The following NDUFAF2 variants were observed in gnomAD, a reference collection of about 807,000 sequenced individuals.
The protein encoded by NDUFAF2 is NADH:ubiquinone oxidoreductase complex assembly factor 2.
Under a neutral mutation model 22.8 loss-of-function variants are expected in NDUFAF2, and 13 were observed. The ratio of observed to expected loss-of-function variants is 0.57; its 90% CI spans 0.37 to 0.91. The LOEUF (loss-of-function observed/expected upper bound fraction) is 0.91. NDUFAF2 is among the 40% of genes least tolerant of loss of function. The pLI is 0.01. For synonymous variants in NDUFAF2, 53 were observed against 64.2 expected, an observed-to-expected ratio of 0.83 and a Z score of 0.84; for missense variants, 162 against 195.2, an observed-to-expected ratio of 0.83 and a Z score of 1.01.
intron 1 of NDUFAF2, among the ~76,000 whole-genome samples, chr5:60,987,530 C>T (rs530699576): frequency 6.6e-6 from 1 of 152,178 alleles, no homozygotes; most frequent in South Asian, 2.1e-4. Flanking sequence ...TGCAAAAATC[C>T]TCAGCAAAAT....
At chr5:61,115,775 A>G (rs1437819451) in intron 3 of NDUFAF2, 2 of 152,180 alleles carry the variant, frequency 1.3e-5, no homozygotes, top group African/African-American at 4.8e-5. Flanking sequence ...TATTGAGGTA[A>G]CTGGTGAAGT....
intron 3 of NDUFAF2, among the ~76,000 whole-genome samples, chr5:61,132,475 G>A (rs550960384): frequency 1.1e-4 from 16 of 151,442 alleles, no homozygotes; most frequent in Non-Finnish European, 1.8e-4. Flanking sequence ...CTGGAACATC[G>A]CTGAGCCTCT....
At chr5:61,022,329 TCA>T (rs1346986005) in intron 1 of NDUFAF2, among the ~76,000 whole-genome samples, 3 of 152,188 alleles carry the variant, frequency 2.0e-5, no homozygotes, top group African/African-American at 4.8e-5. Flanking sequence ...CTTTCTATGC[TCA>T]GTTTTCCTTC....
intron 2 of NDUFAF2, among the ~76,000 whole-genome samples, chr5:61,082,469 A>G (rs1437745240): frequency 2.6e-5 from 4 of 151,994 alleles, no homozygotes; most frequent in Non-Finnish European, 5.9e-5. Context: ...TGTTTCTTAC[A>G]TGGATATATT....
chr5:61,005,182 G>T (rs1458699910), intron 1 of NDUFAF2, among the ~76,000 whole-genome samples: 1 of 152,102 alleles, frequency 6.6e-6, no homozygotes, highest in African/African-American at 2.4e-5. Context: ...GTAAGAAAAT[G>T]CAGTGATTGG....
At chr5:61,050,177 T>C (rs2111697598) in intron 1 of NDUFAF2, among the ~76,000 whole-genome samples, 1 of 152,278 alleles carries the variant, frequency 6.6e-6, no homozygotes, top group East Asian at 1.9e-4. Context: ...TACATTATTT[T>C]ACATTCCCAC....
chr5:61,034,908 A>ATGTG (rs1481764474), intron 1 of NDUFAF2, among the ~76,000 whole-genome samples: 1 of 67,164 alleles, frequency 1.5e-5, no homozygotes, highest in Non-Finnish European at 3.3e-5. Context: ...GTAGGCAAAT[A>ATGTG]TATATGTGTG....
intron 3 of NDUFAF2, among the ~76,000 whole-genome samples, chr5:61,104,290 GCTT>G (rs1561565996): frequency 1.3e-5 from 2 of 151,918 alleles, no homozygotes; most frequent in Admixed American, 6.6e-5. Flanking sequence ...TTGAAATATT[GCTT>G]CTTTTTTTTA....
intron 1 of NDUFAF2, among the ~76,000 whole-genome samples, chr5:61,019,188 C>T (rs1345078228): frequency 1.3e-5 from 2 of 151,986 alleles, no homozygotes; most frequent in Non-Finnish European, 2.9e-5. Flanking sequence ...TATCTTATCC[C>T]ACAAGAAAAT....
intron 1 of NDUFAF2, among the ~76,000 whole-genome samples, chr5:61,072,836 A>G (rs754944752): frequency 6.6e-6 from 1 of 152,156 alleles, no homozygotes; most frequent in African/African-American, 2.4e-5. Flanking sequence ...TCCTGAGCTC[A>G]GGCGATCCAC....
intron 1 of NDUFAF2, among the ~76,000 whole-genome samples, chr5:60,957,008 A>G (rs1186185097): frequency 1.3e-5 from 2 of 152,148 alleles, no homozygotes; most frequent in African/African-American, 4.8e-5. Flanking sequence ...TTTAAAGTTG[A>G]TAATTTAAAA....
At chr5:60,990,927 T>A (rs1751149987) in intron 1 of NDUFAF2, among the ~76,000 whole-genome samples, 1 of 152,162 alleles carries the variant, frequency 6.6e-6, no homozygotes, top group Non-Finnish European at 1.5e-5. Flanking sequence ...AGCTGAGATT[T>A]GGAGAGTTTG....
intron 1 of NDUFAF2, among the ~76,000 whole-genome samples, chr5:61,013,214 C>A (rs931349174): frequency 6.6e-6 from 1 of 151,912 alleles, no homozygotes; most frequent in African/African-American, 2.4e-5. Flanking sequence ...TAATCAGCCC[C>A]AGGGAACAGC....
chr5:61,100,589 T>A (rs1161319238), intron 3 of NDUFAF2, among the ~76,000 whole-genome samples: 1 of 152,008 alleles, frequency 6.6e-6, no homozygotes, highest in East Asian at 1.9e-4. Context: ...CCCTTTCCAT[T>A]GTGTTTCAGG....
At chr5:61,097,835 G>A (rs188589188) in intron 2 of NDUFAF2, among the ~76,000 whole-genome samples, 13 of 152,300 alleles carry the variant, frequency 8.5e-5, no homozygotes, top group East Asian at 3.9e-4. Context: ...GGTTTTTAGA[G>A]CCAGAGACAG....
intron 1 of NDUFAF2, among the ~76,000 whole-genome samples, chr5:61,001,988 G>T (rs552067411): frequency 6.6e-6 from 1 of 152,094 alleles, no homozygotes; most frequent in African/African-American, 2.4e-5. Flanking sequence ...GAAAGGGTTG[G>T]TAGGAAAACT....
At chr5:61,109,138 A>C (rs1227718832) in intron 3 of NDUFAF2, among the ~76,000 whole-genome samples, 1 of 151,966 alleles carries the variant, frequency 6.6e-6, no homozygotes, top group African/African-American at 2.4e-5. Context: ...TTCTTGCATC[A>C]ATGTTTTATA....
chr5:61,005,953 C>T (rs557572399), intron 1 of NDUFAF2, among the ~76,000 whole-genome samples: 3 of 152,216 alleles, frequency 2.0e-5, no homozygotes, highest in South Asian at 2.1e-4. Context: ...TAACTAGATC[C>T]CATTTGTCAA....
At chr5:61,004,885 T>C (rs957199207) in intron 1 of NDUFAF2, among the ~76,000 whole-genome samples, 4 of 152,092 alleles carry the variant, frequency 2.6e-5, no homozygotes, top group African/African-American at 7.2e-5. Context: ...GGCTATAAAA[T>C]GTACTTTCAC....
Sources: allele counts gnomAD v4.1 joint callset (sites outside exome capture counted in the v4.1 genomes callset), GRCh38; gene constraint gnomAD v4.1.1; transcripts MANE v1.5; gene names NCBI Gene and HGNC (gene_info 2026-07-23, HGNC 2026-07-21).